ROBO1: variants seen among roughly 807,000 people sequenced by gnomAD.
ROBO1 encodes the protein roundabout guidance receptor 1.
ROBO1 carries 149 observed loss-of-function variants against 195.9 expected under a neutral mutation model. That is an observed-to-expected ratio of 0.76 (90% CI 0.67 to 0.87). The LOEUF (loss-of-function observed/expected upper bound fraction) is 0.87. Ranked by LOEUF, ROBO1 falls within the 40% of genes least tolerant of loss-of-function variation. ROBO1 has a pLI of 0.00. For synonymous variants in ROBO1, 816 were observed against 733.2 expected, an observed-to-expected ratio of 1.11 and a Z score of -1.82; for missense variants, 1,933 against 2,068.3, an observed-to-expected ratio of 0.93 and a Z score of 1.27.
chr3:78,993,613 T>G (rs146032090), intron 3 of ROBO1, among the ~76,000 whole-genome samples: 2 of 152,296 alleles, frequency 1.3e-5, no homozygotes, highest in Non-Finnish European at 2.9e-5. Context: ...CCTCAGGGAC[T>G]AGACCTCGTC....
At chr3:78,957,302 CAA>C (rs397874209) in intron 3 of ROBO1, among the ~76,000 whole-genome samples, 3 of 94,950 alleles carry the variant, frequency 3.2e-5, no homozygotes, top group Non-Finnish European at 4.4e-5. Context: ...ACAAGAATGC[CAA>C]AAAAAAAAAA....
chr3:79,689,151 A>C (rs1020568355), intron 1 of ROBO1, among the ~76,000 whole-genome samples: 16 of 152,104 alleles, frequency 1.1e-4, no homozygotes, highest in African/African-American at 3.6e-4. Flanking sequence ...CTGGAAAAAA[A>C]CCTCAAAAAC....
chr3:79,694,923 A>G (rs1287335881), intron 1 of ROBO1, among the ~76,000 whole-genome samples: 2 of 151,654 alleles, frequency 1.3e-5, no homozygotes, highest in East Asian at 3.9e-4. Flanking sequence ...TGGCCATGTA[A>G]TTTTGATTCT....
intron 2 of ROBO1, among the ~76,000 whole-genome samples, chr3:79,151,353 T>C (rs1352183119): frequency 6.6e-6 from 1 of 151,824 alleles, no homozygotes; most frequent in Non-Finnish European, 1.5e-5. Context: ...CCTTGATTCT[T>C]TGTCCCAACC....
At chr3:79,249,171 G>T (rs1253900775) in intron 2 of ROBO1, among the ~76,000 whole-genome samples, 1 of 152,146 alleles carries the variant, frequency 6.6e-6, no homozygotes, top group African/African-American at 2.4e-5. Context: ...GTAAGAAGTA[G>T]TCATCTGATA....
At chr3:79,291,143 G>A (rs1181010120) in intron 2 of ROBO1, among the ~76,000 whole-genome samples, 1 of 152,092 alleles carries the variant, frequency 6.6e-6, no homozygotes, top group Non-Finnish European at 1.5e-5. Context: ...TTGAGACCCT[G>A]ACTGCTCAAA....
intron 2 of ROBO1, among the ~76,000 whole-genome samples, chr3:79,530,285 A>G (rs1941594504): frequency 6.6e-6 from 1 of 152,108 alleles, no homozygotes; most frequent in Non-Finnish European, 1.5e-5. Flanking sequence ...TTGCATCAAT[A>G]GGTATGGCAT....
chr3:78,868,659 T>TA (rs367938828), intron 4 of ROBO1, among the ~76,000 whole-genome samples: 6 of 151,974 alleles, frequency 3.9e-5, no homozygotes, highest in African/African-American at 1.2e-4. Flanking sequence ...CAGGATAAAA[T>TA]AAACACAGGA....
At chr3:78,963,089 T>TTATA (rs1560055496) in intron 3 of ROBO1, among the ~76,000 whole-genome samples, 260 of 137,444 alleles carry the variant, frequency 1.9e-3, no homozygotes, top group African/African-American at 7.5e-3. Context: ...ATCTCATACT[T>TTATA]GATATATATA....
intron 2 of ROBO1, among the ~76,000 whole-genome samples, chr3:79,218,842 A>AT (rs1200235718): frequency 6.6e-6 from 1 of 151,758 alleles, no homozygotes; most frequent in South Asian, 2.1e-4. Context: ...AATCTATTTC[A>AT]TTTTTTTCCT....
chr3:78,956,057 C>T (rs1034873213), intron 3 of ROBO1, among the ~76,000 whole-genome samples: 4 of 152,066 alleles, frequency 2.6e-5, no homozygotes, highest in Non-Finnish European at 5.9e-5. Context: ...TCATTTAGCA[C>T]ACAAGATATA....
chr3:79,483,617 T>C (rs66851083), intron 2 of ROBO1, among the ~76,000 whole-genome samples: 21,707 of 152,184 alleles, frequency 0.14, 2,059 homozygotes, highest in African/African-American at 0.28. Context: ...CTGTAAATCA[T>C]GTTACTGTAC....
chr3:78,749,783 A>T (rs2082742502), intron 4 of ROBO1, among the ~76,000 whole-genome samples: 1 of 152,188 alleles, frequency 6.6e-6, no homozygotes, highest in Non-Finnish European at 1.5e-5. Flanking sequence ...TTCCCAGATA[A>T]ATCTTTTGAA....
rs557037848 is a variant in ROBO1 at position 78,958,429 on chromosome 3, A to C, written c.173-19502T>G. Among the ~76,000 whole-genome samples, 5 of 152,338 alleles carry C rather than the reference A, an allele frequency of 3.3e-5. No homozygotes were observed. In the East Asian group the frequency reaches 9.6e-4, roughly 29 times the overall value. On this transcript the variant is annotated intron_variant, in intron 3 of 30. Coordinates refer to ENST00000464233, the MANE Select transcript of ROBO1 (RefSeq NM_002941.4). ...TAATTCTTATTTATCCATTAGGCTA[A>C]CATTTCAATGGTTTAAACATCATTT... is the stretch of plus-strand genomic sequence containing the variant.
At chr3:78,967,162 C>T (rs111948855) in intron 3 of ROBO1, among the ~76,000 whole-genome samples, 8 of 152,144 alleles carry the variant, frequency 5.3e-5, no homozygotes, top group African/African-American at 1.9e-4. Context: ...TTGATGGCTG[C>T]CTGAAATCAC....
chr3:79,122,143 A>T (rs2080129249), intron 3 of ROBO1, among the ~76,000 whole-genome samples: 1 of 151,976 alleles, frequency 6.6e-6, no homozygotes, highest in Admixed American at 6.6e-5. Flanking sequence ...ACTCTTTTGG[A>T]TGTATGTTTG....
chr3:79,049,797 TA>T (rs2078662332), intron 3 of ROBO1, among the ~76,000 whole-genome samples: 1 of 152,116 alleles, frequency 6.6e-6, no homozygotes. Context: ...CCAGCCAAAC[TA>T]AGCTTCATAA....
At chr3:78,737,839 A>G (rs2082427698) in intron 5 of ROBO1, among the ~76,000 whole-genome samples, 1 of 152,200 alleles carries the variant, frequency 6.6e-6, no homozygotes, top group Non-Finnish European at 1.5e-5. Context: ...CATAATATGC[A>G]TTGACACTTT....
intron 2 of ROBO1, among the ~76,000 whole-genome samples, chr3:79,156,693 C>CA (rs1459818326): frequency 2.6e-5 from 4 of 151,676 alleles, no homozygotes; most frequent in African/African-American, 9.7e-5. Context: ...AAAACACGCA[C>CA]AAAAAATCTA....
Sources: gnomAD v4.1 joint callset for allele counts (sites outside exome capture counted in the v4.1 genomes callset) on GRCh38, gnomAD v4.1.1 for gene constraint, MANE v1.5 for transcripts, NCBI Gene and HGNC (gene_info 2026-07-23, HGNC 2026-07-21) for gene names.